Variants in ABCC4 observed in about 807,000 individuals in gnomAD.
ABCC4 encodes the protein ATP binding cassette subfamily C member 4 (PEL blood group).
Under a neutral mutation model 168.5 loss-of-function variants are expected in ABCC4, and 102 were observed. The ratio of observed to expected loss-of-function variants is 0.61; its 90% CI spans 0.52 to 0.71. The LOEUF (loss-of-function observed/expected upper bound fraction) is 0.71, where lower values mean the gene tolerates loss of function less well. Ranked by LOEUF, ABCC4 falls within the 30% of genes least tolerant of loss-of-function variation. ABCC4 has a pLI of 0.00. For synonymous variants in ABCC4, 617 were observed against 590.7 expected, an observed-to-expected ratio of 1.04 and a Z score of -0.65; for missense variants, 1,402 against 1,605.8, an observed-to-expected ratio of 0.87 and a Z score of 2.17.
chr13:95,284,194 G>A (rs2041200519), intron 1 of ABCC4, among the ~76,000 whole-genome samples: 1 of 151,894 alleles, frequency 6.6e-6, no homozygotes, highest in South Asian at 2.1e-4. Context: ...GTTGTTTTTT[G>A]GGGTTTTTTT....
At chr13:95,157,628 G>C (rs1249159570) in intron 19 of ABCC4, among the ~76,000 whole-genome samples, 1 of 152,186 alleles carries the variant, frequency 6.6e-6, no homozygotes, top group Non-Finnish European at 1.5e-5. Flanking sequence ...TATCCTGCTA[G>C]CTTAAGATTT....
chr13:95,107,918 G>A (rs1018400024), intron 20 of ABCC4, among the ~76,000 whole-genome samples: 9 of 152,060 alleles, frequency 5.9e-5, no homozygotes, highest in South Asian at 2.1e-4. Context: ...CAGCCTGGGC[G>A]ACAGAGCGAG....
intron 9 of ABCC4, among the ~76,000 whole-genome samples, chr13:95,191,680 A>G (rs1678375): frequency 0.074 from 11,319 of 152,272 alleles, 1,376 homozygotes; most frequent in African/African-American, 0.25. Context: ...GTCTCTTAAG[A>G]CAACTGAAAC....
intron 25 of ABCC4, 45 bp from the exon 26 acceptor site, chr13:95,062,904 A>AGG: frequency 6.6e-7 from 1 of 1,515,234 alleles, no homozygotes; most frequent in Non-Finnish European, 8.9e-7. Context: ...AAAAGAAAAA[A>AGG]ATCACAGGAT....
chr13:95,078,219 C>T (rs1336627114), intron 21 of ABCC4, among the ~76,000 whole-genome samples: 1 of 152,150 alleles, frequency 6.6e-6, no homozygotes, highest in Non-Finnish European at 1.5e-5. Context: ...TCTCTCTATT[C>T]TCTATCTCTG....
chr13:95,254,904 T>C (rs949662787), intron 1 of ABCC4, among the ~76,000 whole-genome samples: 4 of 152,162 alleles, frequency 2.6e-5, no homozygotes, highest in Non-Finnish European at 4.4e-5. Context: ...ACCTACAACA[T>C]GCTGGGCACA....
intron 19 of ABCC4, among the ~76,000 whole-genome samples, chr13:95,125,417 G>C (rs1471406697): frequency 6.6e-6 from 1 of 152,086 alleles, no homozygotes; most frequent in African/African-American, 2.4e-5. Flanking sequence ...TGCTTAGAAG[G>C]GTTTCAGGAA....
In ABCC4 at chr13:95,044,325, T is replaced by C. The variant is rs200063919; in HGVS notation, c.3570A>G (p.Ala1190=). 4.3e-6 allele frequency: 7 copies of C among 1,613,666 alleles called. No homozygotes were observed. The highest frequency in any genetic ancestry group is 1.7e-5 in the Admixed American group (1 of 59,946). The change falls in exon 28 of 31, where the codon GCA becomes GCG. Residue 1190 remains alanine, a synonymous_variant. Transcript: ENST00000645237. The part of the protein sequence containing the change: ...GQRQLVCLAR[A]ILRKNQILII... ...TCAATATCTGATTTTTCCTGAGAAT[T>C]GCCCTGGCAAGGCACACCAGTTGTC... is the stretch of plus-strand genomic sequence containing the variant.
intron 20 of ABCC4, among the ~76,000 whole-genome samples, chr13:95,085,297 G>A (rs1374014274): frequency 6.6e-6 from 1 of 151,910 alleles, no homozygotes; most frequent in Non-Finnish European, 1.5e-5. Flanking sequence ...AAAAATAGCC[G>A]GGTGTGGTGC....
At chr13:95,210,853 C>T in intron 4 of ABCC4, 72 bp from the exon 5 acceptor site, 2 of 1,152,284 alleles carry the variant, frequency 1.7e-6, no homozygotes, top group South Asian at 1.3e-5. Flanking sequence ...ACACAGCAGA[C>T]CTGAGGAAGT....
intron 20 of ABCC4, among the ~76,000 whole-genome samples, chr13:95,085,996 C>T (rs949076314): frequency 3.4e-5 from 3 of 88,744 alleles, no homozygotes; most frequent in East Asian, 5.4e-4. Context: ...CTATATCCTA[C>T]ACACGATTCA....
chr13:95,037,911 A>C (rs1593985044), intron 29 of ABCC4, among the ~76,000 whole-genome samples: 1 of 152,160 alleles, frequency 6.6e-6, no homozygotes, highest in East Asian at 1.9e-4. Flanking sequence ...TGTTACCCAG[A>C]CTGGAGTGCA....
At chr13:95,083,045 G>T (rs2034146800) in intron 21 of ABCC4, 95 bp downstream of exon 21, 2 of 1,374,658 alleles carry the variant, frequency 1.5e-6, no homozygotes, top group Admixed American at 2.1e-5. Context: ...AATTCTGGAA[G>T]ACAGAGTCTG....
intron 25 of ABCC4, among the ~76,000 whole-genome samples, chr13:95,066,683 T>A (rs1189600815): frequency 6.6e-6 from 1 of 152,236 alleles, no homozygotes; most frequent in Non-Finnish European, 1.5e-5. Flanking sequence ...TAAGATTGAT[T>A]AAACTGTTGA....
chr13:95,151,950 A>C (rs1041323855), intron 19 of ABCC4, among the ~76,000 whole-genome samples: 1 of 152,194 alleles, frequency 6.6e-6, no homozygotes, highest in Non-Finnish European at 1.5e-5. Context: ...TAAATGGATT[A>C]ATTCCTCTCT....
rs1555338530 is a variant in ABCC4 at position 95,259,852 on chromosome 13, T to TTGG, written c.75-12100_75-12099insCCA. Among the ~76,000 whole-genome samples, 47 of 113,620 alleles carry TTGG rather than the reference T, an allele frequency of 4.1e-4. 1 individual carries two copies. The highest frequency in any genetic ancestry group is 8.4e-3 in the Middle Eastern group (2 of 238). 74.5% of individuals were successfully genotyped at this position (113,620 alleles called of 152,430 possible). On this transcript the variant is annotated intron_variant, in intron 1 of 30. Transcript: ENST00000645237. ...TGGGACATGTTACATCTGTGTAGTG[T>TTGG]GGGGAAAAAAAAAAAAAAAAGATGG...
At chr13:95,170,995 C>A (rs935237909) in intron 13 of ABCC4, among the ~76,000 whole-genome samples, 9 of 151,860 alleles carry the variant, frequency 5.9e-5, no homozygotes, top group Admixed American at 5.9e-4. Flanking sequence ...CGTAACGACG[C>A]GGCATTTTTC....
At chr13:95,246,138 C>G (rs1284468484) in intron 3 of ABCC4, among the ~76,000 whole-genome samples, 1 of 152,144 alleles carries the variant, frequency 6.6e-6, no homozygotes, top group Non-Finnish European at 1.5e-5. Context: ...AAGAGAGGCC[C>G]TTCGGGGTAA....
intron 11 of ABCC4, among the ~76,000 whole-genome samples, chr13:95,182,620 A>T (rs2037933974): frequency 6.6e-6 from 1 of 152,240 alleles, no homozygotes; most frequent in Admixed American, 6.5e-5. Flanking sequence ...TAGTAATCAG[A>T]TGCTTTAAGT....
Sources: gnomAD v4.1 joint callset for allele counts (sites outside exome capture counted in the v4.1 genomes callset) on GRCh38, gnomAD v4.1.1 for gene constraint, MANE v1.5 for transcripts, NCBI Gene and HGNC (gene_info 2026-07-23, HGNC 2026-07-21) for gene names.